Variants in LDB2 observed in about 807,000 individuals in gnomAD.
The protein encoded by LDB2 is LIM domain binding 2, also known as LIM domain-binding protein 2.
In LDB2, 12 loss-of-function variants were observed where a neutral mutation model predicts 44.3. The observed-to-expected ratio is 0.27, with a 90% CI of 0.17 to 0.44. LDB2 has a LOEUF of 0.44. Among genes scored for constraint, LDB2 ranks in the 20% least tolerant of loss-of-function variants. The pLI, the probability that LDB2 is intolerant of heterozygous loss-of-function variation, is 1.00. For synonymous variants in LDB2, 164 were observed against 174.8 expected (o/e 0.94, Z 0.49); for missense variants, 344 against 473.5 (o/e 0.73, Z 2.54).
At chr4:16,883,550 T>C (rs1041214003) in intron 1 of LDB2, among the ~76,000 whole-genome samples, 14 of 152,220 alleles carry the variant, frequency 9.2e-5, no homozygotes, top group African/African-American at 1.4e-4. Context: ...TCCTCTGATG[T>C]TGACAGATGA....
intron 1 of LDB2, among the ~76,000 whole-genome samples, chr4:16,788,149 T>C (rs919051656): frequency 6.6e-6 from 1 of 152,354 alleles, no homozygotes; most frequent in Admixed American, 6.5e-5. Context: ...TCAAGATATC[T>C]GGCTTTAAGA....
At position 16,689,368 on chromosome 4, in the gene LDB2, G is replaced by A. The variant is rs538905845; in HGVS notation, c.235+69790C>T. ...CTACCGATTCCTTAAGATCTGACTG[G>A]CACACTACTTCCTCCATGAACCCTC... On this transcript the variant is annotated intron_variant, in intron 2 of 7. Transcript: ENST00000304523. 5.3e-5 allele frequency among the ~76,000 whole-genome samples: 8 copies of A among 152,264 alleles called. No homozygotes were observed. In the East Asian group the frequency reaches 7.7e-4, roughly 15 times the overall value.
intron 1 of LDB2, chr4:16,889,155 A>T (rs1722606567): frequency 6.6e-6 from 1 of 152,094 alleles, no homozygotes; most frequent in Admixed American, 6.6e-5. Flanking sequence ...TACAGACCAC[A>T]GCATCATATA....
chr4:16,784,483 G>A (rs1234291059), intron 1 of LDB2, among the ~76,000 whole-genome samples: 1 of 152,170 alleles, frequency 6.6e-6, no homozygotes, highest in Non-Finnish European at 1.5e-5. Context: ...TCCCAAGCAT[G>A]AGAGTCTCTT....
chr4:16,579,549 G>A (rs542723485), intron 5 of LDB2, among the ~76,000 whole-genome samples: 7 of 152,128 alleles, frequency 4.6e-5, no homozygotes, highest in African/African-American at 1.2e-4. Context: ...ATTTAACATC[G>A]GGAGCTCTGA....
Position 16,595,859 on chromosome 4 carries a change from G to C in LDB2, c.252C>G (p.Leu84=). 1.9e-6 allele frequency: 3 copies of C among 1,613,172 alleles called. No individual in the cohort carries two copies. The highest frequency in any genetic ancestry group is 2.5e-6 in the Non-Finnish European group (3 of 1,179,552). ...ACACAGTGCTAAAGTAACGGGGGAT[G>C]AGGGTCCTGCCGATAGCTGGGAGAG... The part of the protein sequence containing the change: ...GPKRYTIGRT[L]IPRYFSTVFE... Residue 84 remains leucine, a synonymous_variant, in exon 3 of 8, where the codon CTC becomes CTG. Transcript: ENST00000304523.
At chr4:16,834,594 C>T (rs1048387826) in intron 1 of LDB2, among the ~76,000 whole-genome samples, 6 of 152,018 alleles carry the variant, frequency 3.9e-5, no homozygotes, top group African/African-American at 9.7e-5. Context: ...TTTGGGAGGT[C>T]GAGGCGGGCG....
At chr4:16,591,692 A>C (rs1027043375) in intron 3 of LDB2, among the ~76,000 whole-genome samples, 2 of 152,218 alleles carry the variant, frequency 1.3e-5, no homozygotes, top group South Asian at 4.1e-4. Flanking sequence ...TTTGTTTTAC[A>C]TGCAACAGCC....
At chr4:16,834,603 C>T (rs1231080055) in intron 1 of LDB2, among the ~76,000 whole-genome samples, 7 of 152,006 alleles carry the variant, frequency 4.6e-5, no homozygotes, top group East Asian at 1.9e-4. Context: ...TCGAGGCGGG[C>T]GGATCACGAG....
chr4:16,888,097 C>A (rs896803369), intron 1 of LDB2, among the ~76,000 whole-genome samples: 4 of 152,192 alleles, frequency 2.6e-5, no homozygotes, highest in Non-Finnish European at 5.9e-5. Context: ...GGTGGTGCTT[C>A]AGGCTTCTGA....
At chr4:16,593,434 T>C (rs1719793737) in intron 3 of LDB2, among the ~76,000 whole-genome samples, 1 of 151,792 alleles carries the variant, frequency 6.6e-6, no homozygotes, top group Non-Finnish European at 1.5e-5. Flanking sequence ...CATTGGAAAG[T>C]TTTTTGAGTA....
chr4:16,595,763 G>A lies in LDB2; in HGVS notation c.348C>T (p.Ile116=). 3 of 1,613,928 alleles carry A rather than the reference G, an allele frequency of 1.9e-6. No homozygotes were observed. The highest frequency in any genetic ancestry group is 2.5e-6 in the Non-Finnish European group (3 of 1,179,902). The change falls in exon 3 of 8, where the codon ATC becomes ATT. Residue 116 remains isoleucine, a synonymous_variant. Coordinates refer to ENST00000304523, the MANE Select transcript of LDB2 (RefSeq NM_001290.5). ...TGGTACACTGGTCGCAGTCCACCGT[G>A]ATGGATGAGTTGTGGTATGACTCTT... ...HSKESYHNSS[I]TVDCDQCTMV...
intron 2 of LDB2, among the ~76,000 whole-genome samples, chr4:16,740,361 C>T (rs375293242): frequency 1.4e-4 from 21 of 152,336 alleles, no homozygotes; most frequent in African/African-American, 3.8e-4. Context: ...AGGCCACATG[C>T]GAGCCTTGGA....
chr4:16,587,170 T>C (rs1275733100), intron 4 of LDB2, among the ~76,000 whole-genome samples: 3 of 152,110 alleles, frequency 2.0e-5, no homozygotes, highest in African/African-American at 7.2e-5. Flanking sequence ...AAGATAATAA[T>C]AAAGAAATGC....
chr4:16,798,861 T>G (rs758635456), intron 1 of LDB2, among the ~76,000 whole-genome samples: 128 of 152,280 alleles, frequency 8.4e-4, no homozygotes, highest in Non-Finnish European at 1.3e-3. Flanking sequence ...TTTATTTATT[T>G]ATTTTTTGAG....
At chr4:16,870,005 G>A (rs1045504897) in intron 1 of LDB2, among the ~76,000 whole-genome samples, 1 of 152,144 alleles carries the variant, frequency 6.6e-6, no homozygotes, top group South Asian at 2.1e-4. Flanking sequence ...ATGGTGACAT[G>A]AGCCTATGTG....
chr4:16,515,699 T>C (rs561299815), intron 5 of LDB2, among the ~76,000 whole-genome samples: 1 of 152,286 alleles, frequency 6.6e-6, no homozygotes, highest in East Asian at 1.9e-4. Flanking sequence ...GTTAAAAATC[T>C]TTTCAACATT....
At chr4:16,512,217 G>A in intron 5 of LDB2, 113 bp from the exon 6 acceptor site, 5 of 1,016,424 alleles carry the variant, frequency 4.9e-6, no homozygotes, top group South Asian at 2.7e-5. Context: ...TTATTTTCCT[G>A]GTTTTGATTT....
chr4:16,658,795 T>C (rs1047264916), intron 2 of LDB2, among the ~76,000 whole-genome samples: 2 of 152,188 alleles, frequency 1.3e-5, no homozygotes, highest in Admixed American at 1.3e-4. Flanking sequence ...TGTCCTTGCA[T>C]TGGCCTAACC....
Sources: gnomAD v4.1 joint callset for allele counts (sites outside exome capture counted in the v4.1 genomes callset) on GRCh38, gnomAD v4.1.1 for gene constraint, MANE v1.5 for transcripts, NCBI Gene and HGNC (gene_info 2026-07-23, HGNC 2026-07-21) for gene names.